HECTD2: variants seen among roughly 807,000 people sequenced by gnomAD.
HECTD2 encodes probable E3 ubiquitin-protein ligase HECTD2.
HECTD2 carries 35 observed loss-of-function variants against 103.2 expected under a neutral mutation model. The observed-to-expected ratio is 0.34, with a 90% confidence interval of 0.26 to 0.45. The LOEUF (loss-of-function observed/expected upper bound fraction) is 0.45, where lower values mean the gene tolerates loss of function less well. HECTD2 is among the 20% of genes least tolerant of loss of function. The pLI is 1.00. For synonymous variants in HECTD2, 281 were observed against 329.9 expected (o/e 0.85, Z 1.61); for missense variants, 596 against 937.4 (o/e 0.64, Z 4.76).
intron 6 of HECTD2, among the ~76,000 whole-genome samples, chr10:91,479,173 C>T (rs1846005565): frequency 1.3e-5 from 2 of 152,188 alleles, no homozygotes; most frequent in Non-Finnish European, 2.9e-5. Context: ...CAAGATCATG[C>T]CACTGCACTC....
At chr10:91,431,664 G>T (rs887359136) in intron 2 of HECTD2, among the ~76,000 whole-genome samples, 1 of 151,882 alleles carries the variant, frequency 6.6e-6, no homozygotes, top group Non-Finnish European at 1.5e-5. Context: ...TCTTCCAGTT[G>T]ATCGCATCGG....
At chr10:91,426,613 A>G (rs1843571237) in intron 2 of HECTD2, among the ~76,000 whole-genome samples, 2 of 151,670 alleles carry the variant, frequency 1.3e-5, no homozygotes, top group South Asian at 2.1e-4. Flanking sequence ...CGTCACGCCA[A>G]TATTGCCCTA....
At chr10:91,483,337 G>A (rs749824074) in intron 8 of HECTD2, among the ~76,000 whole-genome samples, 2 of 151,818 alleles carry the variant, frequency 1.3e-5, no homozygotes, top group Non-Finnish European at 2.9e-5. Context: ...TTTTTATATA[G>A]CACATTCCTA....
At chr10:91,483,800 G>T (rs1308741136) in intron 8 of HECTD2, among the ~76,000 whole-genome samples, 1 of 151,464 alleles carries the variant, frequency 6.6e-6, no homozygotes, top group African/African-American at 2.4e-5. Flanking sequence ...CTTTATGAGT[G>T]TTTTTTTTAA....
intron 6 of HECTD2, 94 bp from the exon 7 acceptor site, chr10:91,481,000 C>A: frequency 1.3e-6 from 1 of 745,472 alleles, no homozygotes; most frequent in Non-Finnish European, 2.2e-6. Flanking sequence ...CTTTTCTCAA[C>A]TCAGTCTTCA....
chr10:91,409,790 A>C (rs1210507217), upstream of HECTD2, among the ~76,000 whole-genome samples: 1 of 152,150 alleles, frequency 6.6e-6, no homozygotes, highest in African/African-American at 2.4e-5. Flanking sequence ...AAGGATAAGA[A>C]GGCAGAAGCC....
chr10:91,417,453 G>A (rs1843173336), intron 1 of HECTD2, among the ~76,000 whole-genome samples: 1 of 151,834 alleles, frequency 6.6e-6, no homozygotes, highest in South Asian at 2.1e-4. Flanking sequence ...CATGTGCCAT[G>A]TTGGTGTGCT....
intron 2 of HECTD2, among the ~76,000 whole-genome samples, chr10:91,445,586 T>G (rs904831574): frequency 6.6e-6 from 1 of 151,886 alleles, no homozygotes; most frequent in Non-Finnish European, 1.5e-5. Context: ...GAAGAGGGAG[T>G]GGCTGGCAAG....
At chr10:91,455,535 T>C (rs1845048733) in intron 2 of HECTD2, among the ~76,000 whole-genome samples, 2 of 152,290 alleles carry the variant, frequency 1.3e-5, no homozygotes, top group Middle Eastern at 6.8e-3. Context: ...CTGTTCACTC[T>C]GATGGTAGTT....
chr10:91,460,250 G>A (rs750856947), intron 2 of HECTD2, among the ~76,000 whole-genome samples, 177 bp from the exon 3 acceptor site: 3 of 152,052 alleles, frequency 2.0e-5, no homozygotes, highest in Non-Finnish European at 4.4e-5. Flanking sequence ...TGAGTGAAGT[G>A]GGGGAATAAG....
intron 1 of HECTD2, among the ~76,000 whole-genome samples, chr10:91,413,299 G>A (rs1392867500): frequency 1.3e-5 from 2 of 152,154 alleles, no homozygotes; most frequent in Non-Finnish European, 1.5e-5. Context: ...GCCCTGAAGT[G>A]TTTTATCCTA....
intron 5 of HECTD2, among the ~76,000 whole-genome samples, chr10:91,467,383 G>C (rs1564721866): frequency 6.6e-6 from 1 of 152,156 alleles, no homozygotes; most frequent in Non-Finnish European, 1.5e-5. Flanking sequence ...GCTCCTCCTG[G>C]AGACTTTAGC....
intron 2 of HECTD2, among the ~76,000 whole-genome samples, chr10:91,426,049 GC>G (rs1843546061): frequency 6.6e-6 from 1 of 151,928 alleles, no homozygotes; most frequent in Non-Finnish European, 1.5e-5. Flanking sequence ...TGGGAGAAAT[GC>G]CCACAATACA....
At chr10:91,431,964 C>T (rs998798895) in intron 2 of HECTD2, among the ~76,000 whole-genome samples, 7 of 151,862 alleles carry the variant, frequency 4.6e-5, no homozygotes, top group African/African-American at 7.2e-5. Context: ...GACTCTGACT[C>T]GATGAGTAGA....
chr10:91,444,045 G>T (rs1176500384), intron 2 of HECTD2, among the ~76,000 whole-genome samples: 1 of 152,006 alleles, frequency 6.6e-6, no homozygotes. Context: ...ATAAATGATA[G>T]TCATCTCCTC....
intron 14 of HECTD2, 100 bp from the exon 15 acceptor site, chr10:91,496,114 T>C (rs2133333501): frequency 1.5e-6 from 1 of 684,880 alleles, no homozygotes; most frequent in East Asian, 2.8e-5. Context: ...AAGTCAGTGT[T>C]AAATCTGAAA....
intron 2 of HECTD2, among the ~76,000 whole-genome samples, chr10:91,454,771 C>T (rs908482090): frequency 7.2e-5 from 11 of 151,900 alleles, no homozygotes; most frequent in African/African-American, 2.7e-4. Flanking sequence ...TTCCTGTGTC[C>T]AAGTGTTCTC....
chr10:91,497,995 T>TACATGTCAA, intron 15 of HECTD2, 113 bp from the exon 16 acceptor site: 1 of 690,232 alleles, frequency 1.4e-6, no homozygotes, highest in East Asian at 2.6e-5. Flanking sequence ...CCCTGGAAAA[T>TACATGTCAA]ACATGTCAAA....
intron 1 of HECTD2, among the ~76,000 whole-genome samples, chr10:91,416,279 G>A (rs1843123078): frequency 6.6e-6 from 1 of 152,146 alleles, no homozygotes; most frequent in African/African-American, 2.4e-5. Flanking sequence ...TAGAAATGAA[G>A]TCTAAATTAA....
Sources: allele counts gnomAD v4.1 joint callset (sites outside exome capture counted in the v4.1 genomes callset), GRCh38; gene constraint gnomAD v4.1.1; transcripts MANE v1.5; gene names NCBI Gene and HGNC (gene_info 2026-07-23, HGNC 2026-07-21).